The following APAF1 variants were observed in gnomAD, a reference collection of about 807,000 sequenced individuals.
APAF1 encodes the protein apoptotic peptidase activating factor 1, also known as apoptotic protease-activating factor 1.
A neutral mutation model predicts 152.4 loss-of-function variants in APAF1; 91 were observed. The ratio of observed to expected loss-of-function variants is 0.60; its 90% CI spans 0.50 to 0.71. The LOEUF is 0.71. APAF1 is among the 30% of genes least tolerant of loss of function. The probability of loss-of-function intolerance (pLI) is 0.00; values close to 1 mark genes in which losing one functional copy is unlikely to be tolerated. For missense variants in APAF1, 1,283 were observed against 1,472.0 expected (o/e 0.87, Z 2.10); for synonymous variants, 484 against 494.1 (o/e 0.98, Z 0.27).
At chr12:98,715,948 G>T (rs1306581658) in intron 22 of APAF1, among the ~76,000 whole-genome samples, 1 of 152,156 alleles carries the variant, frequency 6.6e-6, no homozygotes, top group East Asian at 1.9e-4. Context: ...TTACAGGAAT[G>T]AAATTCTGTG....
chr12:98,721,621 T>G (rs1379115669), intron 22 of APAF1, among the ~76,000 whole-genome samples: 5 of 152,226 alleles, frequency 3.3e-5, no homozygotes, highest in African/African-American at 1.2e-4. Flanking sequence ...TGAAAATTAC[T>G]AATTCATTCT....
In APAF1 at chr12:98,713,030, G is replaced by C. The variant is rs553530257; in HGVS notation, c.2958+595G>C. The stretch of plus-strand genomic sequence containing the variant: ...TGGAGGTTTCACCAGTGTTGCCCAG[G>C]CTGGCCTTAAACTCTTGGGCTCAAG... On this transcript the variant is annotated intron_variant, in intron 21 of 26. Coordinates refer to ENST00000551964, the MANE Select transcript of APAF1 (RefSeq NM_181861.2). 2.6e-4 allele frequency among the ~76,000 whole-genome samples: 39 copies of C among 152,236 alleles called. 1 individual carries two copies. In the South Asian group the frequency reaches 6.2e-3, roughly 24 times the overall value.
intron 21 of APAF1, among the ~76,000 whole-genome samples, chr12:98,714,793 CCT>C (rs1481334643): frequency 6.7e-6 from 1 of 149,898 alleles, no homozygotes; most frequent in Non-Finnish European, 1.5e-5. Context: ...AAACATATTT[CCT>C]CTCTTTTTGT....
At chr12:98,671,829 T>C (rs2097680567) in intron 12 of APAF1, 110 bp downstream of exon 12, 6 of 1,030,448 alleles carry the variant, frequency 5.8e-6, no homozygotes, top group East Asian at 2.4e-5. Flanking sequence ...TCGAAAGGGC[T>C]GGAACTTTTA....
intron 16 of APAF1, among the ~76,000 whole-genome samples, chr12:98,688,069 A>G (rs944695103): frequency 4.6e-5 from 7 of 152,092 alleles, no homozygotes; most frequent in African/African-American, 1.7e-4. Context: ...TGCCTTTTAT[A>G]TTATTGCTTT....
At position 98,725,522 on chromosome 12, in the gene APAF1, T is replaced by A; in HGVS notation, c.3438T>A (p.Asp1146Glu). Residue 1146 changes from aspartate to glutamate, a missense_variant, in exon 25 of 27, where the codon GAT (aspartate) becomes GAA (glutamate). Transcript: ENST00000551964. ...SVDSTLLATGDDNGEIRIWNV... is the reference protein window; with the variant it reads ...SVDSTLLATGEDNGEIRIWNV... Reference sequence around the variant, plus strand: ...ACAGTACCCTGCTGGCAACGGGAGATGACAATGGAGAAATCAGGGTAGGCT... The same window carrying A: ...ACAGTACCCTGCTGGCAACGGGAGAAGACAATGGAGAAATCAGGGTAGGCT... The A allele has an allele frequency of 6.2e-7, 1 of 1,614,162 alleles. No homozygotes were observed. The highest frequency in any genetic ancestry group is 2.2e-5 in the East Asian group (1 of 44,884).
Position 98,720,008 on chromosome 12 carries a change from C to T in APAF1, c.3085-3185C>T, listed in dbSNP as rs80101223. On this transcript the variant is annotated intron_variant, in intron 22 of 26. Coordinates refer to ENST00000551964, the MANE Select transcript of APAF1 (RefSeq NM_181861.2). The stretch of plus-strand genomic sequence containing the variant: ...TACAGAAACTTACTTGTTATAGGCT[C>T]CCATGACACTGGTGTTCTAGCTGTA... Among the ~76,000 whole-genome samples, 1,478 of 152,250 alleles carry T rather than the reference C, an allele frequency of 9.7e-3. 22 individuals are homozygous for T. Among genetic ancestry groups the T allele is most frequent in the African/African-American group, 0.034 (1,422 of 41,536 alleles).
In APAF1 at chr12:98,735,188, A is replaced by G; in HGVS notation, c.*2622A>G. ...GTTCATGCAGTCGGTCAAGAGGAGGATTTTGTTTTGTAGTTTGCAGATGAG... is the reference window on the plus strand; with the variant it reads ...GTTCATGCAGTCGGTCAAGAGGAGGGTTTTGTTTTGTAGTTTGCAGATGAG... On this transcript the variant is annotated 3_prime_UTR_variant, in exon 27 of 27. Transcript: ENST00000551964. The G allele has an allele frequency of 2.5e-6, 1 of 398,828 alleles. No homozygotes were observed. Among genetic ancestry groups the G allele is most frequent in the Middle Eastern group, 6.3e-4 (1 of 1,588 alleles). 24.7% of individuals were successfully genotyped at this position (398,828 alleles called of 1,614,324 possible).
chr12:98,675,054 A>G (rs973458753), intron 12 of APAF1, among the ~76,000 whole-genome samples: 4 of 152,114 alleles, frequency 2.6e-5, no homozygotes, highest in African/African-American at 9.7e-5. Flanking sequence ...CATCAACTGC[A>G]TTTCTCCTTG....
chr12:98,656,751 G>C (rs1470437008), intron 4 of APAF1, among the ~76,000 whole-genome samples: 1 of 152,160 alleles, frequency 6.6e-6, no homozygotes, highest in African/African-American at 2.4e-5. Context: ...ACCTTCTTAA[G>C]TGACATGGCA....
intron 16 of APAF1, among the ~76,000 whole-genome samples, chr12:98,697,996 A>G (rs764325283): frequency 1.3e-5 from 2 of 152,188 alleles, no homozygotes; most frequent in Non-Finnish European, 1.5e-5. Flanking sequence ...GACCCTGGAT[A>G]CAGTGTAGCG....
intron 12 of APAF1, among the ~76,000 whole-genome samples, chr12:98,674,512 C>A (rs141273503): frequency 6.6e-6 from 1 of 152,018 alleles, no homozygotes; most frequent in South Asian, 2.1e-4. Flanking sequence ...TGTCTGTATT[C>A]GAGAGAACTG....
At position 98,714,843 on chromosome 12, in the gene APAF1, CT is replaced by C. The variant is rs775325950; in HGVS notation, c.2959-571del. Among the ~76,000 whole-genome samples the C allele has an allele frequency of 3.8e-3, 488 of 129,310 alleles. 2 individuals are homozygous for C. The highest frequency in any genetic ancestry group is 0.029 in the South Asian group (119 of 4,116). 84.8% of individuals were successfully genotyped at this position (129,310 alleles called of 152,430 possible). On this transcript the variant is annotated intron_variant, in intron 21 of 26. Coordinates refer to ENST00000551964, the MANE Select transcript of APAF1 (RefSeq NM_181861.2). ...AGTTCATTTGAAAGCCTTTTTTTTT[CT>C]TTTTTTTTTTTTGACATAGTCATTA...
intron 4 of APAF1, among the ~76,000 whole-genome samples, chr12:98,651,120 T>A (rs1336152411): frequency 6.6e-6 from 1 of 152,232 alleles, no homozygotes; most frequent in Non-Finnish European, 1.5e-5. Flanking sequence ...CAACTGTACA[T>A]GTGAGCTTAA....
At chr12:98,669,785 G>A (rs2097677755) in intron 10 of APAF1, among the ~76,000 whole-genome samples, 1 of 152,040 alleles carries the variant, frequency 6.6e-6, no homozygotes, top group Admixed American at 6.6e-5. Context: ...CTCTCCAGAA[G>A]GGTACCCTGT....
intron 26 of APAF1, among the ~76,000 whole-genome samples, chr12:98,731,590 A>G (rs2097761629): frequency 6.6e-6 from 1 of 152,188 alleles, no homozygotes; most frequent in African/African-American, 2.4e-5. Flanking sequence ...TGCTTACTTG[A>G]CCCACTCACA....
At chr12:98,652,817 G>A (rs2097650596) in intron 4 of APAF1, among the ~76,000 whole-genome samples, 1 of 151,788 alleles carries the variant, frequency 6.6e-6, no homozygotes, top group Non-Finnish European at 1.5e-5. Context: ...GTAGAGACGG[G>A]GTTTCTCCAT....
In APAF1 at chr12:98,693,589, T is replaced by A. The variant is rs151257034; in HGVS notation, c.2305-5819T>A. ...TATCTTCAAACTCTCTCTTGTTAAT[T>A]TGCTCCTTAAATGATTCAAACTTAC... is the stretch of plus-strand genomic sequence containing the variant. On this transcript the variant is annotated intron_variant, in intron 16 of 26. Coordinates refer to ENST00000551964, the MANE Select transcript of APAF1 (RefSeq NM_181861.2). 1.1e-3 allele frequency among the ~76,000 whole-genome samples: 173 copies of A among 152,318 alleles called. 1 individual carries two copies. Among genetic ancestry groups the A allele is most frequent in the African/African-American group, 3.9e-3 (163 of 41,564 alleles).
chr12:98,730,554 C>T lies in APAF1; in HGVS notation c.3601-1866C>T, dbSNP rs1326309867. ...GGTTTACATAGTATAGATGTTATGT[C>T]TGAAGGGTGAAAGAACTTCTAGCCT... On this transcript the variant is annotated intron_variant, in intron 26 of 26. Transcript: ENST00000551964. 2.0e-5 allele frequency among the ~76,000 whole-genome samples: 3 copies of T among 152,194 alleles called. No individual in the cohort carries two copies. The East Asian group carries it at 5.8e-4, about 29-fold the overall frequency.
Sources: allele counts gnomAD v4.1 joint callset (sites outside exome capture counted in the v4.1 genomes callset), GRCh38; gene constraint gnomAD v4.1.1; transcripts MANE v1.5; gene names NCBI Gene and HGNC (gene_info 2026-07-23, HGNC 2026-07-21).